The following DERA variants were observed in gnomAD, a reference collection of about 807,000 sequenced individuals.
The protein encoded by DERA is 2-deoxy-D-ribose 5-phosphate aldolase.
DERA carries 15 observed loss-of-function variants against 41.1 expected under a neutral mutation model. The observed-to-expected ratio is 0.37, with a 90% CI of 0.24 to 0.56. The LOEUF is 0.56. DERA is among the 20% of genes least tolerant of loss of function. DERA has a pLI of 0.81. For synonymous variants in DERA, 139 were observed against 137.4 expected (o/e 1.01, Z -0.08); for missense variants, 396 against 403.4 (o/e 0.98, Z 0.16).
chr12:15,962,116 G>A (rs926086995), intron 4 of DERA, among the ~76,000 whole-genome samples: 2 of 152,200 alleles, frequency 1.3e-5, no homozygotes, highest in African/African-American at 4.8e-5. Flanking sequence ...TGATGTGCAT[G>A]TAAAAGATGT....
At chr12:16,030,063 C>T (rs188974666) in intron 6 of DERA, among the ~76,000 whole-genome samples, 2 of 150,200 alleles carry the variant, frequency 1.3e-5, no homozygotes, top group Non-Finnish European at 3.0e-5. Flanking sequence ...GCTGGGACTA[C>T]AGGCACCCAC....
At chr12:15,950,676 G>A (rs1329014452) in intron 1 of DERA, among the ~76,000 whole-genome samples, 2 of 152,090 alleles carry the variant, frequency 1.3e-5, no homozygotes, top group South Asian at 2.1e-4. Flanking sequence ...CTTATTTCAC[G>A]TGGGGTCCTG....
chr12:15,971,476 G>A (rs6488805), intron 5 of DERA, among the ~76,000 whole-genome samples: 92,729 of 148,824 alleles, frequency 0.62, 29,153 homozygotes, highest in East Asian at 0.82. Context: ...GGAGTTTTTC[G>A]TCACTGAAGA....
intron 6 of DERA, among the ~76,000 whole-genome samples, chr12:16,025,734 C>T (rs900409057): frequency 6.6e-6 from 1 of 152,012 alleles, no homozygotes; most frequent in African/African-American, 2.4e-5. Context: ...AAACTTCATC[C>T]AACAACAGCA....
In DERA at chr12:15,994,280, C is replaced by T. The variant is rs569640201; in HGVS notation, c.637+11844C>T. 6.6e-6 allele frequency among the ~76,000 whole-genome samples: 1 copy of T among 152,290 alleles called. No homozygotes were observed. Among genetic ancestry groups the T allele is most frequent in the East Asian group, 1.9e-4 (1 of 5,176 alleles). ...CCAATTTTTAAATAAAGCTGTATTTCCCCTTTAAACATTAAGGGATTTTAT... is the reference window on the plus strand; with the variant it reads ...CCAATTTTTAAATAAAGCTGTATTTTCCCTTTAAACATTAAGGGATTTTAT... On this transcript the variant is annotated intron_variant, in intron 6 of 8. Transcript: ENST00000428559. This position sits in a 1 kb window ranked among gnomAD's most constrained non-coding sequence, Gnocchi z 4.8.
At chr12:15,978,605 C>T (rs565718816) in intron 5 of DERA, among the ~76,000 whole-genome samples, 1 of 152,250 alleles carries the variant, frequency 6.6e-6, no homozygotes, top group African/African-American at 2.4e-5. Flanking sequence ...TCTCAAGAGT[C>T]TGTGCTATTC....
intron 4 of DERA, among the ~76,000 whole-genome samples, chr12:15,960,650 A>AAC (rs1565596947): frequency 2.6e-5 from 4 of 151,046 alleles, no homozygotes; most frequent in Non-Finnish European, 5.9e-5. Context: ...AAAAAAAAAA[A>AAC]AAAAAAAAAA....
At chr12:15,963,888 A>C (rs1425164393) in intron 5 of DERA, among the ~76,000 whole-genome samples, 1 of 146,922 alleles carries the variant, frequency 6.8e-6, no homozygotes. Context: ...TGTATCTGTA[A>C]AGCCTATGTC....
rs1157632753 is a variant in DERA, at chr12:16,004,128, T to C, written c.637+21692T>C. Among the ~76,000 whole-genome samples the C allele has an allele frequency of 1.3e-5, 2 of 152,232 alleles. No individual in the cohort carries two copies. Among genetic ancestry groups the C allele is most frequent in the Non-Finnish European group, 2.9e-5 (2 of 68,034 alleles). On this transcript the variant is annotated intron_variant, in intron 6 of 8. Coordinates refer to ENST00000428559, the MANE Select transcript of DERA (RefSeq NM_015954.4). This position sits in a 1 kb window ranked among gnomAD's most constrained non-coding sequence, Gnocchi z 4.2. ...TTACAAACTTTTGGAATGCAATCTA[T>C]TTCTAGGTTGGAGAATGGCATTACT...
At chr12:16,030,599 T>C (rs1286307905) in intron 6 of DERA, among the ~76,000 whole-genome samples, 1 of 152,122 alleles carries the variant, frequency 6.6e-6, no homozygotes, top group South Asian at 2.1e-4. Context: ...CAATCTCTAT[T>C]TGGATTTGAT....
At chr12:15,927,586 C>A (rs1013051192) in intron 1 of DERA, among the ~76,000 whole-genome samples, 1 of 151,982 alleles carries the variant, frequency 6.6e-6, no homozygotes, top group African/African-American at 2.4e-5. Context: ...GTTGTTAACA[C>A]CCCACATAAG....
chr12:15,927,180 A>C (rs1428505737), intron 1 of DERA, among the ~76,000 whole-genome samples: 1 of 152,196 alleles, frequency 6.6e-6, no homozygotes, highest in Non-Finnish European at 1.5e-5. Context: ...TAATACATAT[A>C]ATAAAGATTA....
In DERA at chr12:15,996,581, C is replaced by CAGT. The variant is rs1226369444; in HGVS notation, c.637+14147_637+14149dup. 6.6e-6 allele frequency among the ~76,000 whole-genome samples: 1 copy of CAGT among 152,140 alleles called. No individual in the cohort carries two copies. The highest frequency in any genetic ancestry group is 1.9e-4 in the East Asian group (1 of 5,196). ...CAGTAATGTAATGGCCCACCTTACT[C>CAGT]AGTATGACCTTATCTTAACTAATGA... is the stretch of plus-strand genomic sequence containing the variant. On this transcript the variant is annotated intron_variant, in intron 6 of 8. Coordinates refer to ENST00000428559, the MANE Select transcript of DERA (RefSeq NM_015954.4). The surrounding 1 kb of genome is among the most constrained non-coding windows in gnomAD (Gnocchi z 4.7).
chr12:15,926,562 G>C (rs934123648), intron 1 of DERA, among the ~76,000 whole-genome samples: 9 of 151,528 alleles, frequency 5.9e-5, no homozygotes, highest in South Asian at 4.2e-4. Context: ...CGGTGAAACA[G>C]CGTCTCTACT....
At position 16,013,482 on chromosome 12, in the gene DERA, A is replaced by T. The variant is rs149639517; in HGVS notation, c.638-19060A>T. ...CACTTCTTGCTGCTGCCTTGTGAAG[A>T]AGGTGCCTCACTACCCCTTCACCTT... On this transcript the variant is annotated intron_variant, in intron 6 of 8. Transcript: ENST00000428559. This position sits in a 1 kb window ranked among gnomAD's most constrained non-coding sequence, Gnocchi z 5.8. Among the ~76,000 whole-genome samples, 431 of 152,282 alleles carry T rather than the reference A, an allele frequency of 2.8e-3. 2 individuals are homozygous for T. The highest frequency in any genetic ancestry group is 0.01 in the African/African-American group (416 of 41,562).
chr12:15,987,384 A>G (rs111479482), intron 6 of DERA, among the ~76,000 whole-genome samples: 9,760 of 151,568 alleles, frequency 0.064, 1,003 homozygotes, highest in African/African-American at 0.22. Context: ...TTACAGGTGT[A>G]CACTACCACG....
Position 16,036,756 on chromosome 12 carries a change from C to A in DERA, c.*10C>A, listed in dbSNP as rs764806248. ...TCTTCCAATGTCTTAAATCAGTCAC[C>A]AGTTCCAGAAAAGTTCTTTACGACA... On this transcript the variant is annotated 3_prime_UTR_variant, in exon 9 of 9. Transcript: ENST00000428559. This position sits in a 1 kb window ranked among gnomAD's most constrained non-coding sequence, Gnocchi z 4.9. The A allele has an allele frequency of 1.3e-6, 2 of 1,572,118 alleles. No individual in the cohort carries two copies. Among genetic ancestry groups the A allele is most frequent in the East Asian group, 4.6e-5 (2 of 43,252 alleles).
intron 6 of DERA, among the ~76,000 whole-genome samples, chr12:16,024,066 A>C (rs2136186276): frequency 6.6e-6 from 1 of 152,342 alleles, no homozygotes; most frequent in East Asian, 1.9e-4. Flanking sequence ...AGTGACCTTA[A>C]AGATAGGTCA....
rs1483656998 is a variant in DERA, at chr12:15,936,356, T to G, written c.32-20580T>G. Among the ~76,000 whole-genome samples, 4 of 152,240 alleles carry G rather than the reference T, an allele frequency of 2.6e-5. No individual in the cohort carries two copies. Among genetic ancestry groups the G allele is most frequent in the Non-Finnish European group, 5.9e-5 (4 of 68,044 alleles). ...GACTAGTATAAAGAACACTCATATA[T>G]CTGTCATGACCTAACACATTAATAA... On this transcript the variant is annotated intron_variant, in intron 1 of 8. Transcript: ENST00000428559. The surrounding 1 kb of genome is among the most constrained non-coding windows in gnomAD (Gnocchi z 4.6).
Sources: allele counts gnomAD v4.1 joint callset (sites outside exome capture counted in the v4.1 genomes callset), GRCh38; gene constraint gnomAD v4.1.1; non-coding constraint Gnocchi (gnomAD v3.1); transcripts MANE v1.5; gene names NCBI Gene and HGNC (gene_info 2026-07-23, HGNC 2026-07-21).